Variants in ARSB observed in about 807,000 individuals in gnomAD.
ARSB encodes the protein arylsulfatase B.
ARSB carries 41 observed loss-of-function variants against 50.9 expected under a neutral mutation model. That is an observed-to-expected ratio of 0.81 (90% CI 0.63 to 1.04). The LOEUF is 1.04. ARSB is among the 50% of genes least tolerant of loss of function. The pLI, the probability that ARSB is intolerant of heterozygous loss-of-function variation, is 0.00. For synonymous variants in ARSB, 269 were observed against 284.8 expected, an observed-to-expected ratio of 0.94 and a Z score of 0.56; for missense variants, 672 against 693.3, an observed-to-expected ratio of 0.97 and a Z score of 0.35.
intron 6 of ARSB, among the ~76,000 whole-genome samples, chr5:78,838,446 A>G (rs1745042833): frequency 6.6e-6 from 1 of 152,238 alleles, no homozygotes. Flanking sequence ...TGACACATTT[A>G]GAATGACTGT....
At chr5:78,886,971 C>T (rs1420377199) in intron 4 of ARSB, among the ~76,000 whole-genome samples, 1 of 152,192 alleles carries the variant, frequency 6.6e-6, no homozygotes, top group Non-Finnish European at 1.5e-5. Context: ...TTATCTCTCA[C>T]AGAATCTGGG....
At chr5:78,872,750 G>A (rs1305791791) in intron 5 of ARSB, among the ~76,000 whole-genome samples, 1 of 147,564 alleles carries the variant, frequency 6.8e-6, no homozygotes, top group Non-Finnish European at 1.5e-5. Flanking sequence ...TACCAGCATG[G>A]CACATGTATA....
At chr5:78,828,440 C>G (rs535559735) in intron 6 of ARSB, among the ~76,000 whole-genome samples, 4 of 152,206 alleles carry the variant, frequency 2.6e-5, no homozygotes, top group African/African-American at 7.2e-5. Flanking sequence ...TTGCTCACAG[C>G]CTTTTCTATT....
intron 4 of ARSB, among the ~76,000 whole-genome samples, chr5:78,928,517 T>C (rs1327229394): frequency 6.6e-6 from 1 of 152,114 alleles, no homozygotes. Context: ...GGTTTCGCCA[T>C]GTTGGCCAGG....
At chr5:78,825,046 GTGTT>G (rs896994531) in intron 6 of ARSB, among the ~76,000 whole-genome samples, 1 of 152,182 alleles carries the variant, frequency 6.6e-6, no homozygotes, top group African/African-American at 2.4e-5. Flanking sequence ...GGTCAGGAAT[GTGTT>G]TGGTTTAGCA....
At chr5:78,882,478 A>G (rs893292478) in intron 5 of ARSB, among the ~76,000 whole-genome samples, 2 of 152,210 alleles carry the variant, frequency 1.3e-5, no homozygotes, top group African/African-American at 2.4e-5. Context: ...TATCTAAGGG[A>G]AAAAGTCCAA....
At chr5:78,888,851 T>C (rs1306122181) in intron 4 of ARSB, among the ~76,000 whole-genome samples, 1 of 152,228 alleles carries the variant, frequency 6.6e-6, no homozygotes, top group Non-Finnish European at 1.5e-5. Flanking sequence ...TGCAATTAGT[T>C]CTCTGTGATG....
At chr5:78,918,540 A>G (rs1463348290) in intron 4 of ARSB, among the ~76,000 whole-genome samples, 4 of 145,940 alleles carry the variant, frequency 2.7e-5, no homozygotes, top group Non-Finnish European at 4.6e-5. Flanking sequence ...AAAAATCTCA[A>G]TATCATGTGC....
intron 3 of ARSB, among the ~76,000 whole-genome samples, chr5:78,962,897 G>T (rs928836767): frequency 4.6e-5 from 7 of 152,282 alleles, no homozygotes; most frequent in East Asian, 3.9e-4. Flanking sequence ...CCAATACTGA[G>T]TTCAAACAGG....
intron 3 of ARSB, among the ~76,000 whole-genome samples, chr5:78,963,999 G>C (rs966408199): frequency 5.9e-5 from 9 of 152,100 alleles, no homozygotes; most frequent in African/African-American, 2.2e-4. Context: ...TCATAATAAA[G>C]CCTCACCTTA....
At chr5:78,911,216 C>T (rs1476467976) in intron 4 of ARSB, among the ~76,000 whole-genome samples, 2 of 151,984 alleles carry the variant, frequency 1.3e-5, no homozygotes, top group Non-Finnish European at 2.9e-5. Context: ...TGTCCTGACT[C>T]AAGGATGAAA....
At chr5:78,890,539 G>A (rs1748243256) in intron 4 of ARSB, among the ~76,000 whole-genome samples, 1 of 152,086 alleles carries the variant, frequency 6.6e-6, no homozygotes, top group African/African-American at 2.4e-5. Flanking sequence ...TTTAGGTCAG[G>A]CACTCCTCTG....
At chr5:78,832,561 A>G (rs574460703) in intron 6 of ARSB, among the ~76,000 whole-genome samples, 3 of 152,272 alleles carry the variant, frequency 2.0e-5, no homozygotes, top group African/African-American at 7.2e-5. Flanking sequence ...CGCTCTGAGG[A>G]GGAAACAGGG....
At position 78,780,531 on chromosome 5, in the gene ARSB, C is replaced by T. The variant is rs1226339111; in HGVS notation, c.1468G>A (p.Glu490Lys). The change falls in exon 8 of 8, where the codon GAA becomes AAA. Residue 490 changes from glutamate to lysine, a missense_variant. Physicochemically the swap from Glu to Lys is moderately conservative, Grantham distance 56. Transcript: ENST00000264914. Reference sequence around the variant, plus strand: ...AGCTTTGTGACGATGTGAGGATATTCTCTGGACAGGTCATGTCTTTCTTCA... The same window carrying T: ...AGCTTTGTGACGATGTGAGGATATTTTCTGGACAGGTCATGTCTTTCTTCA... ...DPEERHDLSREYPHIVTKLLS... is the reference protein window; with the variant it reads ...DPEERHDLSRKYPHIVTKLLS... 3.1e-6 allele frequency: 5 copies of T among 1,614,044 alleles called. No individual in the cohort carries two copies. In the Admixed American group the frequency reaches 5.0e-5, roughly 16 times the overall value.
chr5:78,841,174 A>T (rs369641684), intron 5 of ARSB, among the ~76,000 whole-genome samples: 5 of 70,332 alleles, frequency 7.1e-5, no homozygotes, highest in African/African-American at 2.7e-4. Flanking sequence ...ACTACTAATA[A>T]TAATAATAAT....
At chr5:78,844,727 C>T (rs895993129) in intron 5 of ARSB, among the ~76,000 whole-genome samples, 6 of 151,946 alleles carry the variant, frequency 3.9e-5, no homozygotes, top group Admixed American at 2.0e-4. Context: ...AGAGATCCAA[C>T]TTCATTATCT....
Position 78,969,159 on chromosome 5 carries a change from G to A in ARSB, c.346C>T (p.Pro116Ser). Residue 116 changes from proline to serine, a missense_variant, in exon 2 of 8, where the codon CCC (proline) becomes TCC (serine). Coordinates refer to ENST00000264914, the MANE Select transcript of ARSB (RefSeq NM_000046.5). The stretch of plus-strand genomic sequence containing the variant: ...AGAGGAACACAGCTGGGCTGACAGG[G>A]CCAGATTATTTGGTGCTGTAAACCT... The part of the protein sequence containing the change: ...RTGLQHQIIW[P>S]CQPSCVPLDE... 6.2e-7 allele frequency: 1 copy of A among 1,614,156 alleles called. No individual in the cohort carries two copies. The highest frequency in any genetic ancestry group is 8.5e-7 in the Non-Finnish European group (1 of 1,180,030).
intron 6 of ARSB, among the ~76,000 whole-genome samples, chr5:78,826,486 G>A (rs1333207207): frequency 7.2e-5 from 11 of 152,196 alleles, no homozygotes; most frequent in African/African-American, 2.7e-4. Context: ...ATGGAGACAG[G>A]AGGATGATAA....
intron 5 of ARSB, among the ~76,000 whole-genome samples, chr5:78,867,296 C>T (rs550448096): frequency 9.8e-4 from 149 of 152,020 alleles, no homozygotes; most frequent in African/African-American, 3.4e-3. Flanking sequence ...CCGGGAAGCT[C>T]GAACTGGGTG....
Sources: allele counts gnomAD v4.1 joint callset (sites outside exome capture counted in the v4.1 genomes callset), GRCh38; gene constraint gnomAD v4.1.1; transcripts MANE v1.5; gene names NCBI Gene and HGNC (gene_info 2026-07-23, HGNC 2026-07-21).